The following SHROOM3 variants were observed in gnomAD, a reference collection of about 807,000 sequenced individuals.
SHROOM3 encodes the protein shroom family member 3, also known as protein Shroom3.
Under a neutral mutation model 138.6 loss-of-function variants are expected in SHROOM3, and 47 were observed. The observed-to-expected ratio is 0.34, with a 90% confidence interval of 0.27 to 0.43. The LOEUF is 0.43. Ranked by LOEUF, SHROOM3 falls within the 20% of genes least tolerant of loss-of-function variation. The probability of loss-of-function intolerance (pLI) is 1.00; values close to 1 mark genes in which losing one functional copy is unlikely to be tolerated. For synonymous variants in SHROOM3, 1,062 were observed against 1,063.3 expected (o/e 1.00, Z 0.02); for missense variants, 2,491 against 2,596.5 (o/e 0.96, Z 0.88).
intron 1 of SHROOM3, among the ~76,000 whole-genome samples, chr4:76,492,956 C>T (rs1731884646): frequency 6.6e-6 from 1 of 152,094 alleles, no homozygotes; most frequent in East Asian, 1.9e-4. Context: ...CACGGTGGCT[C>T]ACGTCTATAA....
At chr4:76,647,078 TA>T (rs1235645400) in intron 2 of SHROOM3, among the ~76,000 whole-genome samples, 3 of 152,176 alleles carry the variant, frequency 2.0e-5, no homozygotes, top group African/African-American at 7.2e-5. Context: ...TATTTGGCCA[TA>T]AAAAAGAATG....
chr4:76,586,123 C>A (rs532082116), intron 2 of SHROOM3: 132 of 442,906 alleles, frequency 3.0e-4, no homozygotes, highest in African/African-American at 2.6e-3. Flanking sequence ...AGGTTCTGGC[C>A]GAGTGGACTT....
chr4:76,661,466 A>G (rs539262071), intron 2 of SHROOM3, among the ~76,000 whole-genome samples: 4 of 151,996 alleles, frequency 2.6e-5, no homozygotes, highest in South Asian at 4.2e-4. Flanking sequence ...TCCTGACCTC[A>G]TGATCCGCCC....
chr4:76,567,467 G>A (rs546557566), intron 2 of SHROOM3, among the ~76,000 whole-genome samples: 63 of 152,208 alleles, frequency 4.1e-4, no homozygotes, highest in Non-Finnish European at 6.9e-4. Context: ...TGGCTAACAC[G>A]ATAAAACCCT....
intron 1 of SHROOM3, among the ~76,000 whole-genome samples, chr4:76,546,428 T>C (rs963042955): frequency 2.0e-5 from 3 of 152,232 alleles, no homozygotes; most frequent in Non-Finnish European, 2.9e-5. Flanking sequence ...TGTTTTAAAG[T>C]CCAGCATTTA....
At chr4:76,468,154 T>G (rs936065890) in intron 1 of SHROOM3, among the ~76,000 whole-genome samples, 5 of 152,184 alleles carry the variant, frequency 3.3e-5, no homozygotes, top group Non-Finnish European at 7.3e-5. Context: ...TGGAACTAAT[T>G]TTTGCCTATC....
At chr4:76,570,792 T>A (rs1387306210) in intron 2 of SHROOM3, among the ~76,000 whole-genome samples, 1 of 152,194 alleles carries the variant, frequency 6.6e-6, no homozygotes, top group African/African-American at 2.4e-5. Flanking sequence ...GTGTAATAAT[T>A]CATGCACATT....
At chr4:76,622,023 G>A (rs1292343224) in intron 2 of SHROOM3, among the ~76,000 whole-genome samples, 1 of 151,910 alleles carries the variant, frequency 6.6e-6, no homozygotes, top group Non-Finnish European at 1.5e-5. Context: ...TAGAGTCGGG[G>A]TTTCACCATG....
chr4:76,654,964 C>G (rs1736035508), intron 2 of SHROOM3, among the ~76,000 whole-genome samples: 1 of 152,178 alleles, frequency 6.6e-6, no homozygotes, highest in African/African-American at 2.4e-5. Context: ...TCCAGCCTAT[C>G]ATACTATGTG....
chr4:76,614,969 C>G (rs1398787235), intron 2 of SHROOM3, among the ~76,000 whole-genome samples: 1 of 152,098 alleles, frequency 6.6e-6, no homozygotes. Context: ...TCCCTCTTCT[C>G]CAGAAAAAAA....
chr4:76,443,907 T>C (rs934434930), intron 1 of SHROOM3, among the ~76,000 whole-genome samples: 2 of 152,154 alleles, frequency 1.3e-5, no homozygotes, highest in Non-Finnish European at 2.9e-5. Flanking sequence ...TTCAGCAGTA[T>C]TTTTTTCTTG....
intron 3 of SHROOM3, among the ~76,000 whole-genome samples, chr4:76,726,942 C>T (rs1720721847): frequency 6.6e-6 from 1 of 152,060 alleles, no homozygotes; most frequent in Non-Finnish European, 1.5e-5. Flanking sequence ...TGGACAGATA[C>T]TGTTGGGTGA....
chr4:76,742,054 T>C (rs550696988), intron 5 of SHROOM3, 128 bp downstream of exon 5: 2 of 1,268,180 alleles, frequency 1.6e-6, no homozygotes, highest in African/African-American at 2.9e-5. Flanking sequence ...TACAGAAAAG[T>C]AGCATTTGTT....
At chr4:76,676,391 T>C (rs1719027022) in intron 2 of SHROOM3, among the ~76,000 whole-genome samples, 3 of 152,222 alleles carry the variant, frequency 2.0e-5, no homozygotes, top group Admixed American at 2.0e-4. Context: ...TCCCTGCTCC[T>C]AAAACACTTT....
chr4:76,569,250 G>A (rs193115901), intron 2 of SHROOM3, among the ~76,000 whole-genome samples: 11 of 152,162 alleles, frequency 7.2e-5, no homozygotes, highest in African/African-American at 2.7e-4. Flanking sequence ...AATTTGTCAG[G>A]GGGGGAAATA....
intron 2 of SHROOM3, among the ~76,000 whole-genome samples, chr4:76,675,130 C>T (rs1409121504): frequency 6.6e-6 from 1 of 152,170 alleles, no homozygotes; most frequent in Non-Finnish European, 1.5e-5. Flanking sequence ...GACCAATGTT[C>T]CCTTCAGACA....
chr4:76,446,994 G>A (rs370257224), intron 1 of SHROOM3, among the ~76,000 whole-genome samples: 3 of 152,084 alleles, frequency 2.0e-5, no homozygotes, highest in Non-Finnish European at 2.9e-5. Context: ...CCTACTCGCC[G>A]GCTTTCCTAA....
At chr4:76,738,288 T>C (rs1043299334) in intron 4 of SHROOM3, among the ~76,000 whole-genome samples, 1 of 152,166 alleles carries the variant, frequency 6.6e-6, no homozygotes, top group Non-Finnish European at 1.5e-5. Flanking sequence ...AGGAAAGATA[T>C]TAACTAAAAA....
intron 4 of SHROOM3, 44 bp from the exon 5 acceptor site, chr4:76,738,717 A>G (rs1177722244): frequency 6.2e-7 from 1 of 1,609,222 alleles, no homozygotes; most frequent in Non-Finnish European, 8.5e-7. Flanking sequence ...AGCCTACTAA[A>G]TGATAACAGC....
Sources: allele counts gnomAD v4.1 joint callset (sites outside exome capture counted in the v4.1 genomes callset), GRCh38; gene constraint gnomAD v4.1.1; transcripts MANE v1.5; gene names NCBI Gene and HGNC (gene_info 2026-07-23, HGNC 2026-07-21).